The following ABTB2 variants were observed in gnomAD, a reference collection of about 807,000 sequenced individuals.
ABTB2 encodes the protein ankyrin repeat and BTB/POZ domain-containing protein 2.
Under a neutral mutation model 104.1 loss-of-function variants are expected in ABTB2, and 56 were observed. That is an observed-to-expected ratio of 0.54 (90% CI 0.43 to 0.67). ABTB2 has a LOEUF of 0.67. Among genes scored for constraint, ABTB2 ranks in the 30% least tolerant of loss-of-function variants. ABTB2 has a pLI of 0.00. For missense variants in ABTB2, 1,279 were observed against 1,407.7 expected (o/e 0.91, Z 1.46); for synonymous variants, 606 against 608.2 (o/e 1.00, Z 0.05).
intron 1 of ABTB2, among the ~76,000 whole-genome samples, chr11:34,317,935 C>T (rs1435178164): frequency 6.6e-6 from 1 of 151,062 alleles, no homozygotes; most frequent in Non-Finnish European, 1.5e-5. Context: ...TCAACCCTCA[C>T]CCCCACTCCT....
intron 3 of ABTB2, among the ~76,000 whole-genome samples, chr11:34,176,156 T>C (rs1402163724): frequency 6.6e-6 from 1 of 151,894 alleles, no homozygotes; most frequent in Non-Finnish European, 1.5e-5. Flanking sequence ...GGTACTCACC[T>C]GTAGTTCCGG....
intron 1 of ABTB2, among the ~76,000 whole-genome samples, chr11:34,213,707 G>T (rs146193558): frequency 6.6e-6 from 1 of 152,256 alleles, no homozygotes; most frequent in Non-Finnish European, 1.5e-5. Flanking sequence ...TCTGCTCACT[G>T]CCATTTCTCC....
chr11:34,231,512 G>A (rs1274849169), intron 1 of ABTB2, among the ~76,000 whole-genome samples: 3 of 152,128 alleles, frequency 2.0e-5, no homozygotes, highest in African/African-American at 4.8e-5. Flanking sequence ...AAACATTATC[G>A]GGTGGTCAAG....
At chr11:34,184,239 GA>G (rs1200769505) in intron 3 of ABTB2, among the ~76,000 whole-genome samples, 2 of 151,382 alleles carry the variant, frequency 1.3e-5, no homozygotes, top group Non-Finnish European at 2.9e-5. Context: ...GTTCTTTTCA[GA>G]AAAAAAAGGA....
At chr11:34,342,902 A>C (rs1855279026) in intron 1 of ABTB2, among the ~76,000 whole-genome samples, 1 of 152,000 alleles carries the variant, frequency 6.6e-6, no homozygotes, top group Non-Finnish European at 1.5e-5. Context: ...ATAACATCTT[A>C]TGGTGTCACT....
Position 34,165,263 on chromosome 11 carries a change from C to T in ABTB2, c.1849G>A (p.Ala617Thr), listed in dbSNP as rs1449069487. 3 of 1,550,296 alleles carry T rather than the reference C, an allele frequency of 1.9e-6. No homozygotes were observed. The highest frequency in any genetic ancestry group is 2.6e-6 in the Non-Finnish European group (3 of 1,146,784). ...AETPLQLASA[A>T]GNYELVSLLL... Reference sequence around the variant, plus strand: ...CCTCCGGGTAGCAGGTGCCTACCTGCCGCAGAGGCCAGCTGCAGGGGCGTC... The same window carrying T: ...CCTCCGGGTAGCAGGTGCCTACCTGTCGCAGAGGCCAGCTGCAGGGGCGTC... Residue 617 changes from alanine to threonine, a missense_variant, in exon 8 of 17, where the codon GCA becomes ACA. Coordinates refer to ENST00000435224, the MANE Select transcript of ABTB2 (RefSeq NM_145804.3).
At chr11:34,308,883 A>G (rs1564929351) in intron 1 of ABTB2, among the ~76,000 whole-genome samples, 6 of 150,292 alleles carry the variant, frequency 4.0e-5, no homozygotes, top group African/African-American at 1.2e-4. Flanking sequence ...AAAAAAAAAA[A>G]AAAAGAAAAG....
chr11:34,249,962 A>G (rs778184854), intron 1 of ABTB2, among the ~76,000 whole-genome samples: 6 of 152,200 alleles, frequency 3.9e-5, no homozygotes, highest in Admixed American at 6.5e-5. Flanking sequence ...AATAACCCCA[A>G]TGGTGCTCAG....
intron 1 of ABTB2, among the ~76,000 whole-genome samples, chr11:34,269,455 C>T (rs2133079419): frequency 6.6e-6 from 1 of 152,314 alleles, no homozygotes; most frequent in East Asian, 1.9e-4. Flanking sequence ...TCAGCCTCTG[C>T]CCCTCCATGA....
intron 1 of ABTB2, among the ~76,000 whole-genome samples, chr11:34,274,600 TA>T (rs1373398089): frequency 6.6e-6 from 1 of 152,068 alleles, no homozygotes; most frequent in East Asian, 1.9e-4. Context: ...TGTATGTATA[TA>T]TTTTTTTCTT....
At position 34,267,853 on chromosome 11, in the gene ABTB2, A is replaced by G. The variant is rs558048279; in HGVS notation, c.884-63163T>C. Among the ~76,000 whole-genome samples, 45 of 152,372 alleles carry G rather than the reference A, an allele frequency of 3.0e-4. No homozygotes were observed. In the South Asian group the frequency reaches 9.3e-3, roughly 32 times the overall value. On this transcript the variant is annotated intron_variant, in intron 1 of 16. Transcript: ENST00000435224. ...AGCACATTCTTCAGATACACTGTAA[A>G]TGCTAAGAAAATGAGAGTTCACTCC...
At chr11:34,326,612 A>T in intron 1 of ABTB2, among the ~76,000 whole-genome samples, 1 of 150,314 alleles carries the variant, frequency 6.7e-6, no homozygotes, top group Non-Finnish European at 1.5e-5. Flanking sequence ...CCTGGGTGTC[A>T]GAGGGAGACC....
At chr11:34,158,458 G>A (rs1248208864) in intron 14 of ABTB2, among the ~76,000 whole-genome samples, 2 of 152,174 alleles carry the variant, frequency 1.3e-5, no homozygotes, top group Non-Finnish European at 2.9e-5. Flanking sequence ...ATGTGCTTCT[G>A]TGAGACTCTG....
chr11:34,164,498 G>T (rs952036507), intron 9 of ABTB2, among the ~76,000 whole-genome samples, 188 bp downstream of exon 9: 1 of 152,224 alleles, frequency 6.6e-6, no homozygotes, highest in Non-Finnish European at 1.5e-5. Context: ...CAGCTGTGGG[G>T]CCTCCCCCAT....
At chr11:34,172,989 C>T (rs927659328) in intron 4 of ABTB2, among the ~76,000 whole-genome samples, 166 bp downstream of exon 4, 6 of 152,244 alleles carry the variant, frequency 3.9e-5, no homozygotes, top group African/African-American at 1.4e-4. Context: ...GATCTGTTCC[C>T]ATACTCAGGC....
At chr11:34,206,326 T>C (rs1302212291) in intron 1 of ABTB2, among the ~76,000 whole-genome samples, 1 of 152,054 alleles carries the variant, frequency 6.6e-6, no homozygotes, top group Non-Finnish European at 1.5e-5. Flanking sequence ...GAGTTTGCAG[T>C]GAGCTGAGAT....
At chr11:34,323,376 G>A (rs1162087760) in intron 1 of ABTB2, among the ~76,000 whole-genome samples, 35 of 152,176 alleles carry the variant, frequency 2.3e-4, no homozygotes, top group Admixed American at 2.0e-4. Flanking sequence ...AGGTTATTAC[G>A]TAAGCCTGTA....
chr11:34,309,815 C>G (rs1854828753), intron 1 of ABTB2, among the ~76,000 whole-genome samples: 1 of 151,552 alleles, frequency 6.6e-6, no homozygotes, highest in Admixed American at 6.6e-5. Context: ...TGGGGAAAAA[C>G]AGTATTGTCA....
chr11:34,186,249 T>C (rs559517201), intron 3 of ABTB2, among the ~76,000 whole-genome samples: 1 of 152,304 alleles, frequency 6.6e-6, no homozygotes, highest in East Asian at 1.9e-4. Flanking sequence ...TCCACAAATA[T>C]TAAAGCAGTC....
Sources: gnomAD v4.1 joint callset for allele counts (sites outside exome capture counted in the v4.1 genomes callset) on GRCh38, gnomAD v4.1.1 for gene constraint, MANE v1.5 for transcripts, NCBI Gene and HGNC (gene_info 2026-07-23, HGNC 2026-07-21) for gene names.